The following RARB variants were observed in gnomAD, a reference collection of about 807,000 sequenced individuals.
RARB encodes retinoic acid receptor beta, also known as HBV-activated protein.
Under a neutral mutation model 51.9 loss-of-function variants are expected in RARB, and 17 were observed. The ratio of observed to expected loss-of-function variants is 0.33; its 90% confidence interval spans 0.22 to 0.49. The LOEUF (loss-of-function observed/expected upper bound fraction) is 0.49, where lower values mean the gene tolerates loss of function less well. RARB is among the 20% of genes least tolerant of loss of function. RARB has a pLI of 0.99. For missense variants in RARB, 369 were observed against 550.8 expected, an observed-to-expected ratio of 0.67 and a Z score of 3.30; for synonymous variants, 215 against 195.4, an observed-to-expected ratio of 1.10 and a Z score of -0.84.
rs182355826 is a variant in RARB at position 25,509,803 on chromosome 3, C to T, written c.448+8480C>T. On this transcript the variant is annotated intron_variant, in intron 3 of 7. Transcript: ENST00000330688. The stretch of plus-strand genomic sequence containing the variant: ...CAGTGCTGAGCCCAAGCTAAATCGC[C>T]ACAGAGACAAAGTTGCCCTTCCCCT... Among the ~76,000 whole-genome samples the T allele has an allele frequency of 7.9e-5, 12 of 152,294 alleles. No homozygotes were observed. In the East Asian group the frequency reaches 1.2e-3, roughly 15 times the overall value.
chr3:25,398,345 A>G (rs952811433), intron 5 of RARB, among the ~76,000 whole-genome samples: 16 of 152,210 alleles, frequency 1.1e-4, no homozygotes, highest in Non-Finnish European at 2.9e-5. Context: ...TAAAAGTTAC[A>G]CTACTATACC....
intron 5 of RARB, among the ~76,000 whole-genome samples, chr3:25,332,664 A>T (rs1301327192): frequency 5.3e-5 from 8 of 152,200 alleles, no homozygotes; most frequent in Non-Finnish European, 1.2e-4. Context: ...TAGTGCTGGA[A>T]GTTCTGGCCA....
At chr3:25,005,091 C>A (rs1408791165) in intron 2 of RARB, among the ~76,000 whole-genome samples, 3 of 152,090 alleles carry the variant, frequency 2.0e-5, no homozygotes, top group South Asian at 4.1e-4. Context: ...TGGTTAGATA[C>A]CATACATACA....
intron 2 of RARB, among the ~76,000 whole-genome samples, chr3:25,467,740 T>A (rs1183356611): frequency 6.6e-6 from 1 of 152,238 alleles, no homozygotes; most frequent in East Asian, 1.9e-4. Context: ...TCTTCTATTA[T>A]TCCCTAGTTT....
intron 2 of RARB, among the ~76,000 whole-genome samples, chr3:24,979,144 C>G (rs758425252): frequency 9.2e-5 from 14 of 152,170 alleles, no homozygotes; most frequent in Non-Finnish European, 2.1e-4. Flanking sequence ...TGTTCTCTTA[C>G]ATTTGCTGAG....
chr3:25,144,411 A>G (rs1700155786), intron 4 of RARB, among the ~76,000 whole-genome samples: 1 of 152,136 alleles, frequency 6.6e-6, no homozygotes, highest in Non-Finnish European at 1.5e-5. Context: ...GTGAGGAGCT[A>G]CAAGGCAAGC....
At chr3:25,260,994 C>T (rs181092562) in intron 5 of RARB, among the ~76,000 whole-genome samples, 20 of 152,166 alleles carry the variant, frequency 1.3e-4, no homozygotes, top group Non-Finnish European at 2.2e-4. Flanking sequence ...AGTCACTTAA[C>T]CTATGTTTCT....
chr3:24,849,364 G>A (rs184106527), intron 1 of RARB, among the ~76,000 whole-genome samples: 2 of 152,334 alleles, frequency 1.3e-5, no homozygotes, highest in East Asian at 1.9e-4. Context: ...AAGTGAGAAT[G>A]GCTGTGCCTG....
chr3:25,471,167 C>G (rs1695670101), intron 2 of RARB, among the ~76,000 whole-genome samples: 3 of 152,098 alleles, frequency 2.0e-5, no homozygotes, highest in Admixed American at 1.3e-4. Context: ...ATAAACAGGA[C>G]AAGGTCTTTG....
intron 2 of RARB, among the ~76,000 whole-genome samples, chr3:25,017,218 C>CA (rs935751376): frequency 6.7e-6 from 1 of 148,292 alleles, no homozygotes; most frequent in African/African-American, 2.6e-5. Context: ...GCTTTCCCCC[C>CA]CCCTTTCAGA....
At chr3:25,331,174 C>T (rs541137739) in intron 5 of RARB, among the ~76,000 whole-genome samples, 1 of 152,172 alleles carries the variant, frequency 6.6e-6, no homozygotes, top group African/African-American at 2.4e-5. Context: ...ACCAAGCAGA[C>T]CTAATAAACA....
chr3:24,970,693 T>TG (rs929279358), intron 2 of RARB, among the ~76,000 whole-genome samples: 1 of 151,552 alleles, frequency 6.6e-6, no homozygotes, highest in Non-Finnish European at 1.5e-5. Flanking sequence ...TCCTTTTAAT[T>TG]GGAAAAAAAA....
chr3:25,162,288 T>C (rs2125347113), intron 4 of RARB, among the ~76,000 whole-genome samples: 1 of 152,234 alleles, frequency 6.6e-6, no homozygotes, highest in South Asian at 2.1e-4. Flanking sequence ...ATTTTTATTT[T>C]TGTAGAAACA....
intron 2 of RARB, among the ~76,000 whole-genome samples, chr3:24,872,098 C>T (rs759126294): frequency 6.6e-6 from 1 of 152,144 alleles, no homozygotes; most frequent in South Asian, 2.1e-4. Flanking sequence ...TCGAATGATT[C>T]CCCATTTCAC....
At chr3:25,036,214 C>A (rs553473201) in intron 2 of RARB, among the ~76,000 whole-genome samples, 3 of 152,090 alleles carry the variant, frequency 2.0e-5, no homozygotes, top group Admixed American at 1.3e-4. Flanking sequence ...GAAACAAGAA[C>A]CTCCTTGCGG....
intron 5 of RARB, among the ~76,000 whole-genome samples, chr3:25,393,066 T>C (rs753235370): frequency 6.6e-6 from 1 of 152,096 alleles, no homozygotes; most frequent in Non-Finnish European, 1.5e-5. Flanking sequence ...ATGTCCCTTC[T>C]ATGCCGATTT....
chr3:25,079,066 C>G (rs889595255), intron 3 of RARB, among the ~76,000 whole-genome samples: 1 of 151,510 alleles, frequency 6.6e-6, no homozygotes, highest in South Asian at 2.1e-4. Flanking sequence ...TTTAACTTCT[C>G]TCACAATATT....
chr3:25,258,618 C>T (rs1702924729), intron 5 of RARB, among the ~76,000 whole-genome samples: 1 of 151,994 alleles, frequency 6.6e-6, no homozygotes, highest in South Asian at 2.1e-4. Flanking sequence ...TTTTCTGTTG[C>T]TGTAATAAAA....
At chr3:25,296,561 C>G (rs1703919288) in intron 5 of RARB, among the ~76,000 whole-genome samples, 1 of 152,012 alleles carries the variant, frequency 6.6e-6, no homozygotes, top group Non-Finnish European at 1.5e-5. Flanking sequence ...AGTAAACATT[C>G]AAAAATTCTT....
Sources: gnomAD v4.1 joint callset for allele counts (sites outside exome capture counted in the v4.1 genomes callset) on GRCh38, gnomAD v4.1.1 for gene constraint, MANE v1.5 for transcripts, NCBI Gene and HGNC (gene_info 2026-07-23, HGNC 2026-07-21) for gene names.